MGAT4C: variants seen among roughly 807,000 people sequenced by gnomAD.
MGAT4C encodes alpha-1,3-mannosyl-glycoprotein 4-beta-N-acetylglucosaminyltransferase C.
In MGAT4C, 19 loss-of-function variants were observed where a neutral mutation model predicts 40.1. The ratio of observed to expected loss-of-function variants is 0.47; its 90% CI spans 0.33 to 0.70. MGAT4C has a LOEUF of 0.70. MGAT4C is among the 30% of genes least tolerant of loss of function. The pLI is 0.02. For missense variants in MGAT4C, 491 were observed against 563.2 expected, an observed-to-expected ratio of 0.87 and a Z score of 1.30; for synonymous variants, 181 against 187.1, an observed-to-expected ratio of 0.97 and a Z score of 0.27.
intron 1 of MGAT4C, among the ~76,000 whole-genome samples, chr12:86,235,476 T>G (rs1055665671): frequency 6.6e-6 from 1 of 152,072 alleles, no homozygotes; most frequent in Non-Finnish European, 1.5e-5. Context: ...TTACAAGATT[T>G]ATTTTGTAAT....
intron 1 of MGAT4C, among the ~76,000 whole-genome samples, chr12:86,087,039 A>G (rs1871982448): frequency 6.6e-6 from 1 of 152,072 alleles, no homozygotes; most frequent in Admixed American, 6.6e-5. Flanking sequence ...TTTATTGTGT[A>G]TATACCCCAC....
At chr12:86,769,294 A>C (rs1951583374) in intron 1 of MGAT4C, among the ~76,000 whole-genome samples, 1 of 152,142 alleles carries the variant, frequency 6.6e-6, no homozygotes, top group Non-Finnish European at 1.5e-5. Context: ...CCATCAGAGA[A>C]ATGCAAATCA....
At chr12:86,492,026 C>T (rs1388836978) in intron 2 of MGAT4C, among the ~76,000 whole-genome samples, 15 of 152,072 alleles carry the variant, frequency 9.9e-5, no homozygotes, top group Middle Eastern at 3.4e-3. Context: ...AGCCAAATCA[C>T]GAGTGAACTC....
chr12:86,222,525 T>C (rs1950921457), intron 1 of MGAT4C, among the ~76,000 whole-genome samples: 1 of 152,166 alleles, frequency 6.6e-6, no homozygotes, highest in African/African-American at 2.4e-5. Flanking sequence ...ACCTTTATAT[T>C]TGCAAGGAAG....
intron 1 of MGAT4C, among the ~76,000 whole-genome samples, chr12:86,835,346 C>G (rs1365355147): frequency 1.3e-5 from 2 of 151,878 alleles, no homozygotes; most frequent in Non-Finnish European, 2.9e-5. Context: ...CAGTTTTACT[C>G]TCATTAAAAA....
At chr12:86,532,520 G>C (rs1393176992) in intron 2 of MGAT4C, among the ~76,000 whole-genome samples, 2 of 151,988 alleles carry the variant, frequency 1.3e-5, no homozygotes, top group Non-Finnish European at 2.9e-5. Context: ...AAAGGCCAAA[G>C]ACAATGTTGG....
At chr12:86,788,343 T>TC (rs932062448) in intron 1 of MGAT4C, among the ~76,000 whole-genome samples, 1 of 151,216 alleles carries the variant, frequency 6.6e-6, no homozygotes, top group Admixed American at 6.6e-5. Flanking sequence ...CTTTGAACTA[T>TC]CCCTTGACAC....
chr12:86,223,670 T>C (rs1186701898), intron 1 of MGAT4C, among the ~76,000 whole-genome samples: 2 of 152,168 alleles, frequency 1.3e-5, no homozygotes, highest in Admixed American at 6.5e-5. Flanking sequence ...GACTGTGGCC[T>C]AGTCCTGTTC....
At chr12:86,482,873 C>T (rs1237385678) in intron 2 of MGAT4C, among the ~76,000 whole-genome samples, 3 of 152,048 alleles carry the variant, frequency 2.0e-5, no homozygotes, top group Non-Finnish European at 2.9e-5. Flanking sequence ...TTTTATTTGA[C>T]CAGTTCTACT....
chr12:86,425,702 C>A (rs1290937491), intron 3 of MGAT4C, among the ~76,000 whole-genome samples: 1 of 152,160 alleles, frequency 6.6e-6, no homozygotes, highest in African/African-American at 2.4e-5. Context: ...CTTGCACCAG[C>A]CAAAATCTTG....
chr12:86,466,239 G>A (rs1348137558), intron 2 of MGAT4C, among the ~76,000 whole-genome samples: 1 of 151,618 alleles, frequency 6.6e-6, no homozygotes, highest in East Asian at 1.9e-4. Context: ...ACCCAAATGT[G>A]GATTTTTATA....
rs543542625 is a variant in MGAT4C at position 86,013,336 on chromosome 12, C to A, written c.-6-23784G>T. Among the ~76,000 whole-genome samples the A allele has an allele frequency of 2.0e-5, 3 of 152,264 alleles. 1 individual carries two copies. The highest frequency in any genetic ancestry group is 7.2e-5 in the African/African-American group (3 of 41,548). ...TGGCGCGATCTCGGTTCACTGCAAGCTCCGCCTCCCGGGTTCACGACATTC... is the reference window on the plus strand; with the variant it reads ...TGGCGCGATCTCGGTTCACTGCAAGATCCGCCTCCCGGGTTCACGACATTC... On this transcript the variant is annotated intron_variant, in intron 2 of 4. Transcript: ENST00000611864.
intron 2 of MGAT4C, among the ~76,000 whole-genome samples, chr12:86,703,535 C>T (rs190308886): frequency 9.5e-4 from 144 of 152,170 alleles, no homozygotes; most frequent in African/African-American, 2.9e-3. Context: ...TCACTGAAGG[C>T]CCAAATGATT....
rs111281172 is a variant in MGAT4C at position 86,282,589 on chromosome 12, T to C, written c.-57+51476A>G. Among the ~76,000 whole-genome samples the C allele has an allele frequency of 2.9e-3, 435 of 152,220 alleles. 2 individuals are homozygous for C. The highest frequency in any genetic ancestry group is 0.01 in the African/African-American group (422 of 41,554). ...ATTTGTTTCTAATGATGATACTTTT[T>C]TCTTGCTTCTCCATATATCTAGTAA... On this transcript the variant is annotated intron_variant, in intron 4 of 7. Coordinates refer to the MGAT4C transcript ENST00000548651.
At chr12:86,157,587 G>T (rs1451037114) in intron 1 of MGAT4C, among the ~76,000 whole-genome samples, 2 of 151,942 alleles carry the variant, frequency 1.3e-5, no homozygotes, top group Admixed American at 6.6e-5. Flanking sequence ...AACTACCTGA[G>T]ATTGGGTTAT....
rs546876073 is a variant in MGAT4C at position 86,036,824 on chromosome 12, G to A, written c.-7+12850C>T. Among the ~76,000 whole-genome samples the A allele has an allele frequency of 6.7e-5, 10 of 149,950 alleles. 1 individual carries two copies. The highest frequency in any genetic ancestry group is 1.2e-4 in the Non-Finnish European group (8 of 66,906). On this transcript the variant is annotated intron_variant, in intron 2 of 4. Transcript: ENST00000611864. ...TGGCCTCATAAAATGAGTTAGGGAG[G>A]TGTCCCCCTTTTTCTATTGTTTGGA...
At chr12:86,366,640 C>T (rs547795685) in intron 3 of MGAT4C, among the ~76,000 whole-genome samples, 43 of 152,160 alleles carry the variant, frequency 2.8e-4, no homozygotes, top group East Asian at 2.5e-3. Context: ...ACCCGGATGA[C>T]GAAATCATTT....
At chr12:86,653,491 C>T (rs953361069) in intron 2 of MGAT4C, among the ~76,000 whole-genome samples, 2 of 151,834 alleles carry the variant, frequency 1.3e-5, no homozygotes, top group South Asian at 4.1e-4. Context: ...GGGCTTTATC[C>T]GAATGCTCAT....
chr12:86,348,715 A>G (rs1398175904), intron 3 of MGAT4C, among the ~76,000 whole-genome samples: 2 of 151,906 alleles, frequency 1.3e-5, no homozygotes, highest in South Asian at 2.1e-4. Context: ...TAGTTGTTTA[A>G]TTTTTTTAAA....
Sources: gnomAD v4.1 joint callset for allele counts (sites outside exome capture counted in the v4.1 genomes callset) on GRCh38, gnomAD v4.1.1 for gene constraint, MANE v1.5 for transcripts, NCBI Gene and HGNC (gene_info 2026-07-23, HGNC 2026-07-21) for gene names.